Variants in PRRG3 observed in about 807,000 individuals in gnomAD.
PRRG3 encodes transmembrane gamma-carboxyglutamic acid protein 3.
Under a neutral mutation model 15.8 loss-of-function variants are expected in PRRG3, and 21 were observed. The observed-to-expected ratio is 1.33, with a 90% CI of 0.94 to 1.92. The LOEUF is 1.92. PRRG3 is among the 40% of genes most tolerant of loss of function. The pLI, the probability that PRRG3 is intolerant of heterozygous loss-of-function variation, is 0.00. For missense variants in PRRG3, 251 were observed against 200.2 expected (o/e 1.25, Z -1.53); for synonymous variants, 125 against 84.1 (o/e 1.49, Z -2.66).
chrX:151,705,403 C>A lies in PRRG3; in HGVS notation c.*4370C>A, dbSNP rs2124348618. 2.9e-6 allele frequency: 1 copy of A among 342,823 alleles called. No homozygotes were observed. The highest frequency in any genetic ancestry group is 2.6e-5 in the South Asian group (1 of 38,427). 28.3% of individuals were successfully genotyped at this position (342,823 alleles called of 1,213,427 possible). A position where few individuals can be genotyped will look rare whatever the true frequency, so the allele number is the denominator to read the frequency against. ...ATCTGACAAACATACCCAAATAGCA[C>A]ACCCTCTCAAGCTCAATGCCTCAAC... On this transcript the variant is annotated 3_prime_UTR_variant, in exon 4 of 4. Transcript: ENST00000674457.
rs1315794530 is a variant in PRRG3, at chrX:151,700,035, G to A, written c.47G>A (p.Arg16Gln). 2.5e-6 allele frequency: 3 copies of A among 1,210,089 alleles called. No homozygotes were observed. The highest frequency in any genetic ancestry group is 3.4e-6 in the Non-Finnish European group (3 of 895,068). ...AAGGATGCCCATTCGGTCCTGAAAC[G>A]ATTCCCTCGTGCCAATGAGTTCCTG... Reference protein sequence around the residue: ...EAKDAHSVLKRFPRANEFLEE... With the variant: ...EAKDAHSVLKQFPRANEFLEE... The change falls in exon 3 of 4, where the codon CGA (arginine) becomes CAA (glutamine). Residue 16 changes from arginine (R) to glutamine (Q), a missense_variant. By Grantham distance (43) the Arg-to-Gln change is conservative. Transcript: ENST00000674457.
rs1195696826 is a variant in PRRG3 at position 151,701,248 on chromosome X, CA to C, written c.*218del. On this transcript the variant is annotated 3_prime_UTR_variant, in exon 4 of 4. Coordinates refer to ENST00000674457, the MANE Select transcript of PRRG3 (RefSeq NM_001372163.1). ...ATGAGTCGAAGCCCCCGGGAAGAGCCAAAGGCCAAAGTGCCCAACTCTTTGG... is the reference window on the plus strand; with the variant it reads ...ATGAGTCGAAGCCCCCGGGAAGAGCCAAGGCCAAAGTGCCCAACTCTTTGG... 1 of 309,023 alleles carries C rather than the reference CA, an allele frequency of 3.2e-6. No individual in the cohort carries two copies. Among genetic ancestry groups the C allele is most frequent in the African/African-American group, 2.7e-5 (1 of 37,132 alleles). The allele number at this position is 309,023 out of a possible 1,213,427, so 25.5% of individuals were successfully genotyped here. A position where few individuals can be genotyped will look rare whatever the true frequency, so the allele number is the denominator to read the frequency against.
Position 151,702,623 on chromosome X carries a change from G to A in PRRG3, c.*1590G>A, listed in dbSNP as rs1407197471. 8.9e-6 allele frequency: 1 copy of A among 112,531 alleles called. No homozygotes were observed. The allele number at this position is 112,531 out of a possible 1,213,427, so 9.3% of individuals were successfully genotyped here. ...CTAGAAAGGTGTAGGTTATAAGGGA[G>A]CAGTCTTAGCTGAGGCCCTCATATG... On this transcript the variant is annotated 3_prime_UTR_variant, in exon 4 of 4. Coordinates refer to ENST00000674457, the MANE Select transcript of PRRG3 (RefSeq NM_001372163.1).
chrX:151,700,841 A>G lies in PRRG3; in HGVS notation c.504A>G (p.Thr168=), dbSNP rs375409446. Residue 168 remains threonine (T), a synonymous_variant, in exon 4 of 4, where the codon ACA becomes ACG. Transcript: ENST00000674457. The part of the protein sequence containing the change: ...VLGPSRGGRT[T]VRLESTLYLP... ...GGCCCAGTCGGGGGGGCAGGACCACAGTCCGGCTAGAGAGCACCCTCTACC... is the reference window on the plus strand; with the variant it reads ...GGCCCAGTCGGGGGGGCAGGACCACGGTCCGGCTAGAGAGCACCCTCTACC... The G allele has an allele frequency of 4.5e-5, 54 of 1,194,908 alleles. No individual in the cohort carries two copies. Among genetic ancestry groups the G allele is most frequent in the Non-Finnish European group, 5.5e-5 (49 of 886,345 alleles).
In PRRG3 at chrX:151,698,782, A is replaced by G; in HGVS notation, c.-31-2A>G. On this transcript the variant is annotated splice_acceptor_variant, in intron 1 of 3. Coordinates refer to ENST00000674457, the MANE Select transcript of PRRG3 (RefSeq NM_001372163.1). LOFTEE classifies it low-confidence loss of function (5UTR_SPLICE). ...TGCAACTTTGCTTTTCTCTTACTCCAGAGAAGTGAGACCCTGCAGCTGAGG... is the reference window on the plus strand; with the variant it reads ...TGCAACTTTGCTTTTCTCTTACTCCGGAGAAGTGAGACCCTGCAGCTGAGG... 4 of 1,201,435 alleles carry G rather than the reference A, an allele frequency of 3.3e-6. No homozygotes were observed. Among genetic ancestry groups the G allele is most frequent in the Non-Finnish European group, 4.5e-6 (4 of 888,463 alleles).
At chrX:151,697,031 C>CCTT (rs2014772430) in intron 1 of PRRG3, among the ~76,000 whole-genome samples, 1 of 91,769 alleles carries the variant, frequency 1.1e-5, no homozygotes, top group Non-Finnish European at 2.2e-5. Context: ...CTTCCTTCCT[C>CCTT]CCTCCCCTTC....
chrX:151,699,483 C>G (rs1390486717), intron 2 of PRRG3, among the ~76,000 whole-genome samples: 1 of 112,144 alleles, frequency 8.9e-6, no homozygotes, highest in African/African-American at 3.2e-5. Flanking sequence ...TGATGCCAGA[C>G]CACCTGGTGG....
chrX:151,697,110 T>C lies in PRRG3; in HGVS notation c.-32+1566T>C, dbSNP rs763371844. Among the ~76,000 whole-genome samples the C allele has an allele frequency of 2.4e-4, 19 of 80,596 alleles. No homozygotes were observed. In the East Asian group the frequency reaches 2.9e-3, roughly 12 times the overall value. The allele number at this position is 80,596 out of a possible 115,157, so 70.0% of individuals were successfully genotyped here. On this transcript the variant is annotated intron_variant, in intron 1 of 3. Coordinates refer to ENST00000674457, the MANE Select transcript of PRRG3 (RefSeq NM_001372163.1). ...TTCCTTCCTTCCTCCCTCCCTCCCT[T>C]CCTTCCTCCCTCCCTCCCTCTCTCC...
rs1444737224 is a variant in PRRG3, at chrX:151,705,270, G to T, written c.*4237G>T. The T allele has an allele frequency of 5.9e-6, 2 of 341,432 alleles. No individual in the cohort carries two copies. 28.1% of individuals were successfully genotyped at this position (341,432 alleles called of 1,213,427 possible). A position where few individuals can be genotyped will look rare whatever the true frequency, so the allele number is the denominator to read the frequency against. On this transcript the variant is annotated 3_prime_UTR_variant, in exon 4 of 4. Transcript: ENST00000674457. ...ATCTTTCTAAATATTCTGTAAAGCA[G>T]ATGCTTCGCTGTCAGACTGGCCGCT...
chrX:151,703,772 C>A lies in PRRG3; in HGVS notation c.*2739C>A, dbSNP rs934321197. The stretch of plus-strand genomic sequence containing the variant: ...CCACCCTATGCAACCCCCGCTCACA[C>A]GCCCTTTTGGCATGGTGCCCCTGGC... On this transcript the variant is annotated 3_prime_UTR_variant, in exon 4 of 4. Transcript: ENST00000674457. 9.1e-6 allele frequency: 1 copy of A among 109,314 alleles called. No individual in the cohort carries two copies. Among genetic ancestry groups the A allele is most frequent in the Admixed American group, 9.8e-5 (1 of 10,252 alleles). The allele number at this position is 109,314 out of a possible 1,213,427, so 9.0% of individuals were successfully genotyped here. A position where few individuals can be genotyped will look rare whatever the true frequency, so the allele number is the denominator to read the frequency against.
chrX:151,701,063 C>T lies in PRRG3; in HGVS notation c.*30C>T, dbSNP rs771547674. ...ACGTTTGTGCCCTGTCCTGGATGAA[C>T]GCCTCTTTCCGAGGTCTCCTATTTT... On this transcript the variant is annotated 3_prime_UTR_variant, in exon 4 of 4. Transcript: ENST00000674457. 1.3e-5 allele frequency: 14 copies of T among 1,066,554 alleles called. No individual in the cohort carries two copies. The highest frequency in any genetic ancestry group is 5.6e-5 in the African/African-American group (3 of 53,561). 87.9% of individuals were successfully genotyped at this position (1,066,554 alleles called of 1,213,427 possible).
chrX:151,698,043 G>C (rs1260966702), intron 1 of PRRG3, among the ~76,000 whole-genome samples: 2 of 111,175 alleles, frequency 1.8e-5, no homozygotes, highest in East Asian at 5.7e-4. Flanking sequence ...GAAGATTCCA[G>C]GTATCTTGCC....
chrX:151,700,536 G>T lies in PRRG3; in HGVS notation c.199G>T (p.Val67Phe), dbSNP rs748822976. The T allele has an allele frequency of 8.3e-7, 1 of 1,197,800 alleles. No homozygotes were observed. The highest frequency in any genetic ancestry group is 1.8e-5 in the African/African-American group (1 of 56,733). Residue 67 changes from valine to phenylalanine, a missense_variant, in exon 4 of 4, where the codon GTC becomes TTC. Val to Phe is a conservative substitution (Grantham distance 50). Transcript: ENST00000674457. ...GTTCTGGAAAGGGTACCCAAATGCAGTCTACTCTGTCCGAGACCCCTCGCA... is the reference window on the plus strand; with the variant it reads ...GTTCTGGAAAGGGTACCCAAATGCATTCTACTCTGTCCGAGACCCCTCGCA... ...MEFWKGYPNA[V>F]YSVRDPSQSS...
rs780176466 is a variant in PRRG3, at chrX:151,700,074, A to G, written c.86A>G (p.Gln29Arg). 1 of 1,211,910 alleles carries G rather than the reference A, an allele frequency of 8.3e-7. No individual in the cohort carries two copies. The highest frequency in any genetic ancestry group is 3.0e-5 in the East Asian group (1 of 33,839). Residue 29 changes from glutamine (Q) to arginine (R), a missense_variant, in exon 3 of 4, where the codon CAG becomes CGG. Transcript: ENST00000674457. The stretch of plus-strand genomic sequence containing the variant: ...AATGAGTTCCTGGAGGAGCTGCGCC[A>G]GGGCACCATCGAGCGAGAGTGCATG... Reference protein sequence around the residue: ...RANEFLEELRQGTIERECMEE... With the variant: ...RANEFLEELRRGTIERECMEE...
Position 151,705,517 on chromosome X carries a change from T to C in PRRG3, c.*4484T>C. ...CGAGCATTAACACAGATCTTCAGGA[T>C]TGGGACAAATCCCCCAGCTGCTTTT... On this transcript the variant is annotated 3_prime_UTR_variant, in exon 4 of 4. Coordinates refer to ENST00000674457, the MANE Select transcript of PRRG3 (RefSeq NM_001372163.1). The C allele has an allele frequency of 7.0e-6, 2 of 283,936 alleles. No individual in the cohort carries two copies. Among genetic ancestry groups the C allele is most frequent in the South Asian group, 7.3e-5 (2 of 27,564 alleles). 23.4% of individuals were successfully genotyped at this position (283,936 alleles called of 1,213,427 possible). A position where few individuals can be genotyped will look rare whatever the true frequency, so the allele number is the denominator to read the frequency against.
At chrX:151,696,967 C>T (rs1602983951) in intron 1 of PRRG3, among the ~76,000 whole-genome samples, 1 of 110,908 alleles carries the variant, frequency 9.0e-6, no homozygotes, top group East Asian at 2.9e-4. Context: ...CTTTAATTTT[C>T]TTTTCTTTCT....
rs1000420762 is a variant in PRRG3 at position 151,704,482 on chromosome X, G to C, written c.*3449G>C. On this transcript the variant is annotated 3_prime_UTR_variant, in exon 4 of 4. Coordinates refer to ENST00000674457, the MANE Select transcript of PRRG3 (RefSeq NM_001372163.1). ...TGGAGCATCGCAACCCCCAGCCAGA[G>C]TTGATCTTTTGACAACCCAGTGACA... 4 of 111,686 alleles carry C rather than the reference G, an allele frequency of 3.6e-5. No individual in the cohort carries two copies. Among genetic ancestry groups the C allele is most frequent in the African/African-American group, 6.5e-5 (2 of 30,687 alleles). The allele number at this position is 111,686 out of a possible 1,213,427, so 9.2% of individuals were successfully genotyped here.
At chrX:151,697,247 C>G (rs1258162547) in intron 1 of PRRG3, among the ~76,000 whole-genome samples, 1 of 109,118 alleles carries the variant, frequency 9.2e-6, no homozygotes, top group Non-Finnish European at 1.9e-5. Context: ...TCAATCTCCG[C>G]CTCTCTGGTT....
Position 151,705,323 on chromosome X carries a change from G to T in PRRG3, c.*4290G>T. ...ATCATTCGCCTCCAAATATTCAAACGTGGGAGCTTTTCCTTTCAGACTGTG... is the reference window on the plus strand; with the variant it reads ...ATCATTCGCCTCCAAATATTCAAACTTGGGAGCTTTTCCTTTCAGACTGTG... On this transcript the variant is annotated 3_prime_UTR_variant, in exon 4 of 4. Transcript: ENST00000674457. 1 of 343,427 alleles carries T rather than the reference G, an allele frequency of 2.9e-6. No individual in the cohort carries two copies. Among genetic ancestry groups the T allele is most frequent in the Non-Finnish European group, 5.9e-6 (1 of 170,223 alleles). The allele number at this position is 343,427 out of a possible 1,213,427, so 28.3% of individuals were successfully genotyped here.
Sources: gnomAD v4.1 joint callset for allele counts (sites outside exome capture counted in the v4.1 genomes callset) on GRCh38, gnomAD v4.1.1 for gene constraint, MANE v1.5 for transcripts, NCBI Gene and HGNC (gene_info 2026-07-23, HGNC 2026-07-21) for gene names.